SEM1: variants seen among roughly 807,000 people sequenced by gnomAD.
SEM1 encodes the protein 26S proteasome complex subunit SEM1.
SEM1 carries 3 observed loss-of-function variants against 12.7 expected under a neutral mutation model. The observed-to-expected ratio is 0.24, with a 90% CI of 0.11 to 0.61. SEM1 has a LOEUF of 0.61. Ranked by LOEUF, SEM1 falls within the 20% of genes least tolerant of loss-of-function variation. The pLI is 0.88. For missense variants in SEM1, 59 were observed against 81.3 expected, an observed-to-expected ratio of 0.73 and a Z score of 1.06; for synonymous variants, 30 against 27.8, an observed-to-expected ratio of 1.08 and a Z score of -0.25.
chr7:96,581,413 C>T (rs1806402212), intron 2 of SEM1, among the ~76,000 whole-genome samples: 1 of 151,672 alleles, frequency 6.6e-6, no homozygotes, highest in African/African-American at 2.4e-5. Flanking sequence ...GTGATGCCTC[C>T]AGCTTTGTTC....
At chr7:96,524,185 T>C (rs1315214337) in intron 2 of SEM1, among the ~76,000 whole-genome samples, 2 of 152,184 alleles carry the variant, frequency 1.3e-5, no homozygotes, top group Non-Finnish European at 2.9e-5. Context: ...CTCTTGTAGA[T>C]GCCCTGAAGC....
intron 2 of SEM1, among the ~76,000 whole-genome samples, chr7:96,639,324 T>C (rs997180967): frequency 2.6e-5 from 4 of 151,944 alleles, no homozygotes; most frequent in Admixed American, 2.0e-4. Flanking sequence ...ACTAGCCAGC[T>C]TCAAGACTTC....
rs563464085 is a variant in SEM1 at position 96,656,188 on chromosome 7, C to T, written c.171-33545G>A. Among the ~76,000 whole-genome samples, 340 of 152,318 alleles carry T rather than the reference C, an allele frequency of 2.2e-3. 3 individuals carry two copies. The highest frequency in any genetic ancestry group is 7.9e-3 in the African/African-American group (328 of 41,570). On this transcript the variant is annotated intron_variant, in intron 2 of 2. Coordinates refer to the SEM1 transcript ENST00000417009. ...ATTTTTTTGCTGTTGGTGACAGCAT[C>T]TGCTGTACACACAAGATGTTGCCTG...
chr7:96,553,513 A>G (rs1253180034), intron 2 of SEM1, among the ~76,000 whole-genome samples: 1 of 151,684 alleles, frequency 6.6e-6, no homozygotes, highest in Non-Finnish European at 1.5e-5. Flanking sequence ...GTAGATATGC[A>G]GCATTATTTC....
At chr7:96,514,117 A>T (rs1024059958) in intron 2 of SEM1, among the ~76,000 whole-genome samples, 1 of 152,146 alleles carries the variant, frequency 6.6e-6, no homozygotes, top group African/African-American at 2.4e-5. Flanking sequence ...AAATATCCTT[A>T]TGCTCTTCTG....
intron 3 of SEM1, among the ~76,000 whole-genome samples, chr7:96,501,766 G>A (rs2117267301): frequency 6.6e-6 from 1 of 152,092 alleles, no homozygotes. Flanking sequence ...GATTCAGGTG[G>A]TACTTGTGCA....
intron 2 of SEM1, among the ~76,000 whole-genome samples, chr7:96,682,483 T>C (rs138493435): frequency 0.014 from 2,183 of 152,182 alleles, 55 homozygotes; most frequent in African/African-American, 0.05. Flanking sequence ...AGGGGATGCT[T>C]CCAGTTTTTG....
intron 2 of SEM1, among the ~76,000 whole-genome samples, chr7:96,536,630 T>C (rs1313033221): frequency 6.6e-6 from 1 of 151,832 alleles, no homozygotes; most frequent in South Asian, 2.1e-4. Context: ...GATTGTTATA[T>C]CTTCTTAGAG....
chr7:96,656,156 A>C (rs1452793865), intron 2 of SEM1, among the ~76,000 whole-genome samples: 1 of 152,176 alleles, frequency 6.6e-6, no homozygotes, highest in Non-Finnish European at 1.5e-5. Flanking sequence ...GCTCAAAATT[A>C]AATTCCATTT....
intron 1 of SEM1, among the ~76,000 whole-genome samples, chr7:96,704,017 A>ATAT (rs1320360232): frequency 6.6e-6 from 1 of 151,462 alleles, no homozygotes; most frequent in East Asian, 1.9e-4. Context: ...ACACATACAT[A>ATAT]AAAGAACCAA....
intron 2 of SEM1, among the ~76,000 whole-genome samples, chr7:96,617,038 T>C (rs1217524944): frequency 6.6e-6 from 1 of 152,172 alleles, no homozygotes; most frequent in Non-Finnish European, 1.5e-5. Flanking sequence ...GGCTCTTTTT[T>C]TGGTTTCATA....
intron 1 of SEM1, chr7:96,695,149 C>T: frequency 3.5e-6 from 1 of 288,016 alleles, no homozygotes; most frequent in Non-Finnish European, 6.4e-6. Flanking sequence ...AGGATATTTA[C>T]TTTACTGATT....
At chr7:96,594,563 C>T (rs1185503856) in intron 2 of SEM1, among the ~76,000 whole-genome samples, 2 of 152,172 alleles carry the variant, frequency 1.3e-5, no homozygotes, top group African/African-American at 2.4e-5. Flanking sequence ...TTTTTTATAA[C>T]TCTAATGAAG....
intron 2 of SEM1, among the ~76,000 whole-genome samples, chr7:96,540,255 T>A (rs1804904642): frequency 6.6e-6 from 1 of 151,570 alleles, no homozygotes; most frequent in Non-Finnish European, 1.5e-5. Context: ...TGCATTTGAG[T>A]GTTGAGAAAA....
chr7:96,495,497 A>C (rs1471346300), intron 1 of SEM1, among the ~76,000 whole-genome samples: 1 of 152,136 alleles, frequency 6.6e-6, no homozygotes, highest in Non-Finnish European at 1.5e-5. Flanking sequence ...TGCAGTTATG[A>C]AAGTTAAAAT....
At chr7:96,620,164 G>T (rs552516495), downstream of SEM1, among the ~76,000 whole-genome samples, 1 of 152,122 alleles carries the variant, frequency 6.6e-6, no homozygotes, top group East Asian at 2.0e-4. Flanking sequence ...GACTCGAAAT[G>T]GTGCTTTGGG....
intron 1 of SEM1, among the ~76,000 whole-genome samples, chr7:96,703,411 GT>G (rs1473703788): frequency 2.6e-5 from 4 of 152,098 alleles, no homozygotes; most frequent in African/African-American, 7.2e-5. Context: ...AGAGAAAAAT[GT>G]TTGTACTGTA....
At chr7:96,522,254 G>C (rs1363862626) in intron 2 of SEM1, among the ~76,000 whole-genome samples, 3 of 152,086 alleles carry the variant, frequency 2.0e-5, no homozygotes, top group Admixed American at 2.0e-4. Context: ...TTGCGTAACT[G>C]ATCCATTCCG....
At chr7:96,655,814 C>G (rs571009766) in intron 2 of SEM1, among the ~76,000 whole-genome samples, 5 of 152,106 alleles carry the variant, frequency 3.3e-5, no homozygotes, top group South Asian at 2.1e-4. Flanking sequence ...TTTGTCATTT[C>G]CATAATGAAT....
Sources: gnomAD v4.1 joint callset for allele counts (sites outside exome capture counted in the v4.1 genomes callset) on GRCh38, gnomAD v4.1.1 for gene constraint, MANE v1.5 for transcripts, NCBI Gene and HGNC (gene_info 2026-07-23, HGNC 2026-07-21) for gene names.